The following CHN1 variants were observed in gnomAD, a reference collection of about 807,000 sequenced individuals.
The protein encoded by CHN1 is chimerin 1, also known as N-chimaerin.
A neutral mutation model predicts 59.5 loss-of-function variants in CHN1; 37 were observed. That is an observed-to-expected ratio of 0.62 (90% CI 0.48 to 0.82). The LOEUF is 0.82. Ranked by LOEUF, CHN1 falls within the 40% of genes least tolerant of loss-of-function variation. The probability of loss-of-function intolerance (pLI) is 0.00; values close to 1 mark genes in which losing one functional copy is unlikely to be tolerated. For synonymous variants in CHN1, 206 were observed against 200.4 expected, an observed-to-expected ratio of 1.03 and a Z score of -0.24; for missense variants, 469 against 571.0, an observed-to-expected ratio of 0.82 and a Z score of 1.82.
chr2:174,837,824 A>AT (rs1018592905), intron 7 of CHN1, among the ~76,000 whole-genome samples: 7 of 152,262 alleles, frequency 4.6e-5, no homozygotes, highest in African/African-American at 1.4e-4. Flanking sequence ...GTTTTCATTT[A>AT]TTTTTTAACC....
intron 8 of CHN1, among the ~76,000 whole-genome samples, chr2:174,813,339 G>T (rs1424154309): frequency 6.6e-6 from 1 of 152,200 alleles, no homozygotes; most frequent in Non-Finnish European, 1.5e-5. Context: ...GGGGAAAGGG[G>T]TGTGGAGGTT....
chr2:174,988,988 A>C (rs2105459941), intron 1 of CHN1, among the ~76,000 whole-genome samples: 1 of 152,336 alleles, frequency 6.6e-6, no homozygotes, highest in Non-Finnish European at 1.5e-5. Context: ...TAGTGAAATT[A>C]ATCTATTATA....
At chr2:174,922,774 G>A (rs769440663) in intron 3 of CHN1, among the ~76,000 whole-genome samples, 10 of 152,182 alleles carry the variant, frequency 6.6e-5, no homozygotes, top group Middle Eastern at 6.8e-3. Flanking sequence ...TAACTAACCT[G>A]ATTTATAATG....
Position 174,799,464 on chromosome 2 carries a change from GA to G in CHN1, c.*651del. Reference sequence around the variant, plus strand: ...CCAGAAAAAATACCAAATTACAACTGAAAACCAATAATAATTTAACAGAAAA... The same window carrying G: ...CCAGAAAAAATACCAAATTACAACTGAAACCAATAATAATTTAACAGAAAA... On this transcript the variant is annotated 3_prime_UTR_variant, in exon 13 of 13. Transcript: ENST00000409900. The G allele has an allele frequency of 2.1e-6, 1 of 478,042 alleles. No individual in the cohort carries two copies. Among genetic ancestry groups the G allele is most frequent in the South Asian group, 1.7e-5 (1 of 58,200 alleles). 29.6% of individuals were successfully genotyped at this position (478,042 alleles called of 1,614,324 possible). A position where few individuals can be genotyped will look rare whatever the true frequency, so the allele number is the denominator to read the frequency against.
intron 2 of CHN1, 128 bp downstream of exon 2, chr2:174,952,036 C>T: frequency 3.5e-6 from 2 of 575,960 alleles, no homozygotes; most frequent in Non-Finnish European, 5.7e-6. Flanking sequence ...CTATGCTACT[C>T]CCAAACCTTG....
At chr2:174,920,273 A>G (rs1688978417) in intron 3 of CHN1, among the ~76,000 whole-genome samples, 1 of 152,308 alleles carries the variant, frequency 6.6e-6, no homozygotes, top group Non-Finnish European at 1.5e-5. Context: ...AATACTATGA[A>G]TAATGCTGCA....
At chr2:174,898,634 C>T (rs1276547194) in intron 5 of CHN1, among the ~76,000 whole-genome samples, 3 of 152,002 alleles carry the variant, frequency 2.0e-5, no homozygotes, top group Non-Finnish European at 4.4e-5. Flanking sequence ...GCTTCTTATC[C>T]GGTTACTTGT....
At chr2:175,004,820 G>T in intron 1 of CHN1, 74 bp downstream of exon 1, 1 of 1,020,422 alleles carries the variant, frequency 9.8e-7, no homozygotes. Context: ...GGGCGCCCAG[G>T]CCCCCCAGGC....
chr2:174,941,275 A>G (rs1574191930), intron 3 of CHN1, among the ~76,000 whole-genome samples: 2 of 152,188 alleles, frequency 1.3e-5, no homozygotes, highest in Non-Finnish European at 2.9e-5. Context: ...TCTAAAAAAC[A>G]TTGCCTCCTT....
intron 1 of CHN1, among the ~76,000 whole-genome samples, chr2:174,993,186 A>G (rs544968598): frequency 7.0e-6 from 1 of 142,896 alleles, no homozygotes; most frequent in Non-Finnish European, 1.5e-5. Context: ...ATGTCAGTTT[A>G]GCAATAATTC....
At chr2:174,852,669 GACTTCAAACTAAGTT>G (rs1436013588) in intron 6 of CHN1, among the ~76,000 whole-genome samples, 2 of 152,102 alleles carry the variant, frequency 1.3e-5, no homozygotes, top group Non-Finnish European at 2.9e-5. Flanking sequence ...CACACTACCT[GACTTCAAACTAAGTT>G]ATAACGTTAT....
intron 7 of CHN1, among the ~76,000 whole-genome samples, chr2:174,832,321 C>T (rs1574067343): frequency 6.6e-6 from 1 of 152,022 alleles, no homozygotes; most frequent in East Asian, 1.9e-4. Flanking sequence ...CTGCTCTTAC[C>T]TTTAATACTG....
At chr2:174,932,566 T>A (rs1477372292) in intron 3 of CHN1, among the ~76,000 whole-genome samples, 2 of 152,198 alleles carry the variant, frequency 1.3e-5, no homozygotes, top group African/African-American at 4.8e-5. Flanking sequence ...AGGTTACCAC[T>A]AAAAGTTAGT....
chr2:174,991,101 T>G (rs1008646904), intron 1 of CHN1, among the ~76,000 whole-genome samples: 2 of 152,210 alleles, frequency 1.3e-5, no homozygotes, highest in Non-Finnish European at 2.9e-5. Context: ...AGCTTTTTGG[T>G]CTACTACTTA....
intron 6 of CHN1, among the ~76,000 whole-genome samples, chr2:174,869,392 T>C (rs1408602444): frequency 6.6e-6 from 1 of 151,744 alleles, no homozygotes; most frequent in Non-Finnish European, 1.5e-5. Flanking sequence ...TTATAATAAA[T>C]AAAAAGAGGA....
At chr2:174,877,592 C>A (rs1321149064) in intron 6 of CHN1, among the ~76,000 whole-genome samples, 13 of 152,010 alleles carry the variant, frequency 8.6e-5, no homozygotes. Context: ...GCCATTTTTC[C>A]AACATAGTTT....
intron 1 of CHN1, among the ~76,000 whole-genome samples, chr2:174,985,516 T>C (rs950217085): frequency 6.6e-6 from 1 of 152,196 alleles, no homozygotes; most frequent in African/African-American, 2.4e-5. Flanking sequence ...CAATTACTAA[T>C]ACCCATTGTT....
chr2:174,991,159 G>C (rs1289526639), intron 1 of CHN1, among the ~76,000 whole-genome samples: 3 of 152,180 alleles, frequency 2.0e-5, no homozygotes, highest in Admixed American at 2.0e-4. Context: ...TTTTTAAGTG[G>C]AGGACTAATA....
At chr2:174,824,601 C>T in intron 7 of CHN1, 83 bp from the exon 8 acceptor site, 1 of 699,138 alleles carries the variant, frequency 1.4e-6, no homozygotes, top group South Asian at 1.6e-5. Flanking sequence ...CACTAATATA[C>T]AAGCCACATA....
Sources: gnomAD v4.1 joint callset for allele counts (sites outside exome capture counted in the v4.1 genomes callset) on GRCh38, gnomAD v4.1.1 for gene constraint, MANE v1.5 for transcripts, NCBI Gene and HGNC (gene_info 2026-07-23, HGNC 2026-07-21) for gene names.